The following ZFPM1 variants were observed in gnomAD, a reference collection of about 807,000 sequenced individuals.
ZFPM1 encodes the protein zinc finger protein ZFPM1.
In ZFPM1, 28 loss-of-function variants were observed where a neutral mutation model predicts 46.3. The ratio of observed to expected loss-of-function variants is 0.60; its 90% CI spans 0.45 to 0.83. The LOEUF (loss-of-function observed/expected upper bound fraction) is 0.83. Ranked by LOEUF, ZFPM1 falls within the 40% of genes least tolerant of loss-of-function variation. The pLI is 0.00. For synonymous variants in ZFPM1, 957 were observed against 675.9 expected (o/e 1.42, Z -6.45); for missense variants, 1,878 against 1,432.4 (o/e 1.31, Z -5.02).
At chr16:88,460,917 AGGGGCGGGGC>A (rs142015518) in intron 1 of ZFPM1, among the ~76,000 whole-genome samples, 1 of 36,862 alleles carries the variant, frequency 2.7e-5, no homozygotes, top group African/African-American at 9.7e-5. Context: ...GTGAGGACCG[AGGGGCGGGGC>A]GGGAGGCCTG....
At chr16:88,498,902 C>T (rs1052660011) in intron 3 of ZFPM1, among the ~76,000 whole-genome samples, 14 of 152,212 alleles carry the variant, frequency 9.2e-5, no homozygotes, top group African/African-American at 3.1e-4. Flanking sequence ...TGACACCCTT[C>T]CCTCCCCTCT....
chr16:88,468,469 G>C (rs1054147409), intron 1 of ZFPM1, among the ~76,000 whole-genome samples: 1 of 152,204 alleles, frequency 6.6e-6, no homozygotes, highest in Non-Finnish European at 1.5e-5. Flanking sequence ...GTTGGGACTT[G>C]GGGCCAGGTC....
intron 1 of ZFPM1, among the ~76,000 whole-genome samples, chr16:88,459,002 G>A (rs1254588452): frequency 6.6e-6 from 1 of 152,222 alleles, no homozygotes; most frequent in South Asian, 2.1e-4. Context: ...TGCAGGCAGC[G>A]CATGTGGCCT....
rs998941322 is a variant in ZFPM1, at chr16:88,480,274, C to T, written c.41-5665C>T. Among the ~76,000 whole-genome samples, 1 of 152,158 alleles carries T rather than the reference C, an allele frequency of 6.6e-6. No individual in the cohort carries two copies. The highest frequency in any genetic ancestry group is 6.5e-5 in the Admixed American group (1 of 15,282). On this transcript the variant is annotated intron_variant, in intron 1 of 9. Coordinates refer to ENST00000319555, the MANE Select transcript of ZFPM1 (RefSeq NM_153813.3). This position sits in a 1 kb window ranked among gnomAD's most constrained non-coding sequence, Gnocchi z 4.9. Reference sequence around the variant, plus strand: ...GTGGTGCTCACACTGGCATCTTCCACTTTTTGGGGGATGGGGCTGGTCACT... The same window carrying T: ...GTGGTGCTCACACTGGCATCTTCCATTTTTTGGGGGATGGGGCTGGTCACT...
intron 4 of ZFPM1, among the ~76,000 whole-genome samples, chr16:88,515,819 G>T (rs1276454604): frequency 6.6e-6 from 1 of 152,250 alleles, no homozygotes; most frequent in Non-Finnish European, 1.5e-5. Flanking sequence ...TGGGGCGTGA[G>T]CTCCCCATCA....
chr16:88,534,913 C>T lies in ZFPM1; in HGVS notation c.2955C>T (p.Ser985=), dbSNP rs775667562. 5.8e-6 allele frequency: 9 copies of T among 1,557,444 alleles called. No homozygotes were observed. The East Asian group carries it at 7.7e-5, about 13-fold the overall frequency. The part of the protein sequence containing the change: ...YCRLCNIKFS[S]LSTFIAHKKY... Reference sequence around the variant, plus strand: ...GTCTTTGCAACATCAAGTTCAGCAGCCTGTCCACCTTCATCGCCCACAAGA... The same window carrying T: ...GTCTTTGCAACATCAAGTTCAGCAGTCTGTCCACCTTCATCGCCCACAAGA... Residue 985 remains serine, a synonymous_variant, in exon 10 of 10, where the codon AGC becomes AGT. Transcript: ENST00000319555.
At position 88,471,406 on chromosome 16, in the gene ZFPM1, C is replaced by T. The variant is rs955207544; in HGVS notation, c.41-14533C>T. Reference sequence around the variant, plus strand: ...AGATGACCGTGCCCACAGTGGCTCCCACGCATAGTGGGGGGGCCAAGACCC... The same window carrying T: ...AGATGACCGTGCCCACAGTGGCTCCTACGCATAGTGGGGGGGCCAAGACCC... On this transcript the variant is annotated intron_variant, in intron 1 of 9. Coordinates refer to ENST00000319555, the MANE Select transcript of ZFPM1 (RefSeq NM_153813.3). This position sits in a 1 kb window ranked among gnomAD's most constrained non-coding sequence, Gnocchi z 4.1. 6.6e-6 allele frequency among the ~76,000 whole-genome samples: 1 copy of T among 150,944 alleles called. No homozygotes were observed. The highest frequency in any genetic ancestry group is 1.5e-5 in the Non-Finnish European group (1 of 68,022).
chr16:88,472,193 G>A (rs566657621), intron 1 of ZFPM1, among the ~76,000 whole-genome samples: 2 of 152,004 alleles, frequency 1.3e-5, no homozygotes, highest in African/African-American at 4.8e-5. Flanking sequence ...GTGGCTGGAG[G>A]CACGGTGGTG....
At chr16:88,528,568 A>G (rs1229145249) in intron 6 of ZFPM1, among the ~76,000 whole-genome samples, 2 of 152,216 alleles carry the variant, frequency 1.3e-5, no homozygotes. Context: ...ACTGTGGGCC[A>G]GAGCAGGACC....
chr16:88,514,584 G>A (rs1050581359), intron 4 of ZFPM1, 64 bp downstream of exon 4: 1 of 1,497,224 alleles, frequency 6.7e-7, no homozygotes, highest in Non-Finnish European at 8.9e-7. Context: ...GGACCCAGGG[G>A]ACAGGCCCAG....
rs889501533 is a variant in ZFPM1 at position 88,497,033 on chromosome 16, C to T, written c.268+7880C>T. 6.6e-6 allele frequency among the ~76,000 whole-genome samples: 1 copy of T among 152,226 alleles called. No homozygotes were observed. Among genetic ancestry groups the T allele is most frequent in the Non-Finnish European group, 1.5e-5 (1 of 68,032 alleles). On this transcript the variant is annotated intron_variant, in intron 3 of 9. Transcript: ENST00000319555. This position sits in a 1 kb window ranked among gnomAD's most constrained non-coding sequence, Gnocchi z 5.4. ...GCCGCACACACCTGCTCCTGGCTCGCTCCACCCGTAAGTGCCTCAGGACCT... is the reference window on the plus strand; with the variant it reads ...GCCGCACACACCTGCTCCTGGCTCGTTCCACCCGTAAGTGCCTCAGGACCT...
chr16:88,522,843 G>C (rs867195443), intron 4 of ZFPM1, among the ~76,000 whole-genome samples: 3 of 152,204 alleles, frequency 2.0e-5, no homozygotes, highest in Non-Finnish European at 4.4e-5. Context: ...CCCTGGGAGG[G>C]AAGATGGCCG....
At chr16:88,507,407 C>G (rs749860397) in intron 3 of ZFPM1, among the ~76,000 whole-genome samples, 3 of 152,156 alleles carry the variant, frequency 2.0e-5, no homozygotes, top group Non-Finnish European at 2.9e-5. Context: ...AAGCCTGGGT[C>G]CCTTTATGTT....
chr16:88,505,151 G>C (rs1033166666), intron 3 of ZFPM1, among the ~76,000 whole-genome samples: 1 of 152,236 alleles, frequency 6.6e-6, no homozygotes, highest in African/African-American at 2.4e-5. Context: ...ACCTGGGGCC[G>C]GCCCTTCCTG....
intron 2 of ZFPM1, among the ~76,000 whole-genome samples, chr16:88,488,246 C>G (rs1007933767): frequency 6.6e-6 from 1 of 151,260 alleles, no homozygotes; most frequent in Admixed American, 6.6e-5. Flanking sequence ...GCCGGCTTCC[C>G]GGGGAGCCAG....
intron 4 of ZFPM1, among the ~76,000 whole-genome samples, chr16:88,520,473 G>A (rs1911748884): frequency 6.7e-6 from 1 of 148,286 alleles, no homozygotes; most frequent in Non-Finnish European, 1.5e-5. Flanking sequence ...TGGATGGACA[G>A]ATGTATGGGT....
At position 88,533,935 on chromosome 16, in the gene ZFPM1, C is replaced by G. The variant is rs1331632961; in HGVS notation, c.1977C>G (p.Gly659=). 9 of 1,256,610 alleles carry G rather than the reference C, an allele frequency of 7.2e-6. No homozygotes were observed. In the African/African-American group the frequency reaches 1.3e-4, roughly 18 times the overall value. 77.8% of individuals were successfully genotyped at this position (1,256,610 alleles called of 1,614,324 possible). A position where few individuals can be genotyped will look rare whatever the true frequency, so the allele number is the denominator to read the frequency against. Residue 659 remains glycine (G), a synonymous_variant, in exon 10 of 10, where the codon GGC becomes GGG. Transcript: ENST00000319555. ...CGGCCACGCCCGAGGACGGCGCGGG[C>G]GGCCGGGGCAGCGAGGGCAGCCAGA... ...GGAATPEDGA[G]GRGSEGSQSP...
intron 1 of ZFPM1, among the ~76,000 whole-genome samples, chr16:88,475,250 G>C (rs1908623335): frequency 2.0e-5 from 3 of 152,242 alleles, no homozygotes. Flanking sequence ...CCATGCAGTG[G>C]GCACCTGGCA....
At chr16:88,523,517 G>C (rs1432065854) in intron 4 of ZFPM1, among the ~76,000 whole-genome samples, 1 of 152,182 alleles carries the variant, frequency 6.6e-6, no homozygotes, top group African/African-American at 2.4e-5. Context: ...CACCGGGCAA[G>C]ACCCTGGTTC....
Sources: allele counts gnomAD v4.1 joint callset (sites outside exome capture counted in the v4.1 genomes callset), GRCh38; gene constraint gnomAD v4.1.1; non-coding constraint Gnocchi (gnomAD v3.1); transcripts MANE v1.5; gene names NCBI Gene and HGNC (gene_info 2026-07-23, HGNC 2026-07-21).